Variants in EML2 observed in about 807,000 individuals in gnomAD.
The protein encoded by EML2 is EMAP like 2, also known as echinoderm microtubule-associated protein-like 2.
EML2 carries 59 observed loss-of-function variants against 84.7 expected under a neutral mutation model. The ratio of observed to expected loss-of-function variants is 0.70; its 90% CI spans 0.56 to 0.86. The LOEUF (loss-of-function observed/expected upper bound fraction) is 0.86. EML2 is among the 40% of genes least tolerant of loss of function. The pLI, the probability that EML2 is intolerant of heterozygous loss-of-function variation, is 0.00. For missense variants in EML2, 818 were observed against 855.6 expected, an observed-to-expected ratio of 0.96 and a Z score of 0.55; for synonymous variants, 352 against 348.9, an observed-to-expected ratio of 1.01 and a Z score of -0.10.
intron 13 of EML2, 123 bp downstream of exon 13, chr19:45,617,507 A>C (rs1289700258): frequency 1.2e-6 from 1 of 823,346 alleles, no homozygotes; most frequent in East Asian, 2.8e-5. Flanking sequence ...GCAGTGAGCC[A>C]GAGGAATATT....
At chr19:45,624,603 G>A (rs1371867747) in intron 9 of EML2, 116 bp downstream of exon 9, 1 of 720,630 alleles carries the variant, frequency 1.4e-6, no homozygotes, top group Non-Finnish European at 2.4e-6. Flanking sequence ...CGAGGGTGTT[G>A]GAATCGGACA....
chr19:45,629,161 ACT>A (rs1198297613), intron 7 of EML2, among the ~76,000 whole-genome samples: 1 of 151,890 alleles, frequency 6.6e-6, no homozygotes, highest in African/African-American at 2.4e-5. Flanking sequence ...GCAGGGTCTC[ACT>A]CTGTTGCCCA....
chr19:45,626,960 C>CT (rs5828242), intron 7 of EML2, 121 bp from the exon 8 acceptor site: 172,646 of 524,738 alleles, frequency 0.33, 12,119 homozygotes, highest in African/African-American at 0.46. Context: ...CTGAACTTTT[C>CT]TTTTTTTTTT....
chr19:45,620,128 T>G (rs908262411), intron 11 of EML2, among the ~76,000 whole-genome samples: 1 of 152,126 alleles, frequency 6.6e-6, no homozygotes, highest in Non-Finnish European at 1.5e-5. Flanking sequence ...ACAAATTTTT[T>G]TTTTAGACGG....
rs539390792 is a variant in EML2, at chr19:45,616,071, C to T, written c.1510-182G>A. ...CAGGGCCAGAATACTGTGGGCGGGG[C>T]CAGACTGTGATGGGCAGGGCTAGAC... On this transcript the variant is annotated intron_variant, in intron 15 of 18. Transcript: ENST00000245925. 3.6e-4 allele frequency: 222 copies of T among 611,372 alleles called. 1 individual carries two copies. Among genetic ancestry groups the T allele is most frequent in the Non-Finnish European group, 5.8e-4 (198 of 339,042 alleles). The allele number at this position is 611,372 out of a possible 1,614,324, so 37.9% of individuals were successfully genotyped here. A position where few individuals can be genotyped will look rare whatever the true frequency, so the allele number is the denominator to read the frequency against.
At chr19:45,640,129 T>C (rs1001139067), upstream of EML2, 3 of 152,310 alleles carry the variant, frequency 2.0e-5, no homozygotes, top group Non-Finnish European at 4.4e-5. Flanking sequence ...AGAGTTGAAA[T>C]GTGCAGCTTT....
intron 6 of EML2, among the ~76,000 whole-genome samples, chr19:45,631,459 C>T (rs1973021659): frequency 6.6e-6 from 1 of 152,086 alleles, no homozygotes; most frequent in Non-Finnish European, 1.5e-5. Flanking sequence ...CACTCGGTCC[C>T]CTAGTGTGGA....
At chr19:45,635,029 TTAA>T (rs1325422364) in intron 3 of EML2, among the ~76,000 whole-genome samples, 1 of 151,538 alleles carries the variant, frequency 6.6e-6, no homozygotes, top group African/African-American at 2.4e-5. Context: ...TTTTGTATTT[TTAA>T]TAGAGATGGG....
At position 45,621,564 on chromosome 19, in the gene EML2, G is replaced by C; in HGVS notation, c.915C>G (p.Asp305Glu). Reference protein sequence around the residue: ...GGVFGLCALRDGTLVSGGGRD... With the variant: ...GGVFGLCALREGTLVSGGGRD... ...GGCCCCCTCCAGACACCAGCGTCCC[G>C]TCCCGCAGGGCGCAGAGCCCAAACA... Residue 305 changes from aspartate (D) to glutamate (E), a missense_variant, in exon 10 of 19, where the codon GAC becomes GAG. Asp to Glu is a conservative substitution (Grantham distance 45). Transcript: ENST00000245925. 6.2e-7 allele frequency: 1 copy of C among 1,612,692 alleles called. No homozygotes were observed.
intron 6 of EML2, 50 bp downstream of exon 6, chr19:45,632,811 C>T (rs1222652563): frequency 6.5e-7 from 1 of 1,531,464 alleles, no homozygotes; most frequent in South Asian, 1.2e-5. Flanking sequence ...CGGGCACTTG[C>T]CCTCCTTTTC....
At chr19:45,639,068 A>G (rs768769902) in intron 1 of EML2, 195 bp from the exon 2 acceptor site, 6 of 777,850 alleles carry the variant, frequency 7.7e-6, no homozygotes, top group Middle Eastern at 2.7e-4. Flanking sequence ...ACAGGCCCAG[A>G]GAGGCAGTGA....
chr19:45,639,430 C>T (rs565797513), upstream of EML2: 494 of 1,245,256 alleles, frequency 4.0e-4, 4 homozygotes, highest in African/African-American at 6.3e-3. Context: ...CCGGCTCTGC[C>T]GCTTCCGGCC....
At chr19:45,641,948 G>A, upstream of EML2, 1 of 1,443,512 alleles carries the variant, frequency 6.9e-7, no homozygotes, top group Non-Finnish European at 9.1e-7. Context: ...CTTCTTGGGA[G>A]AGGATGGGGA....
At chr19:45,624,037 T>A (rs1163470249) in intron 9 of EML2, among the ~76,000 whole-genome samples, 1 of 152,228 alleles carries the variant, frequency 6.6e-6, no homozygotes, top group Non-Finnish European at 1.5e-5. Context: ...AAGTATTTCT[T>A]CACCCAACCA....
At chr19:45,627,160 A>G in intron 7 of EML2, among the ~76,000 whole-genome samples, 1 of 149,812 alleles carries the variant, frequency 6.7e-6, no homozygotes, top group Admixed American at 6.7e-5. Context: ...GGATTTCACC[A>G]TGTTTCCCGG....
chr19:45,629,048 G>A (rs904975138), intron 7 of EML2, among the ~76,000 whole-genome samples: 2 of 151,978 alleles, frequency 1.3e-5, no homozygotes, highest in Non-Finnish European at 2.9e-5. Context: ...CCCTTCTGTT[G>A]GGCCTGGTCC....
upstream of EML2, chr19:45,642,300 C>G: frequency 1.3e-6 from 2 of 1,535,872 alleles, no homozygotes; most frequent in Non-Finnish European, 1.7e-6. Flanking sequence ...GCTGCTCCAG[C>G]GCCGACACGC....
intron 3 of EML2, among the ~76,000 whole-genome samples, chr19:45,636,100 A>C (rs937721041): frequency 6.6e-6 from 1 of 152,052 alleles, no homozygotes; most frequent in African/African-American, 2.4e-5. Context: ...CTTCCCAAAT[A>C]GCTGAGACTA....
At chr19:45,619,295 GC>G in intron 11 of EML2, 104 bp from the exon 12 acceptor site, 1 of 1,403,000 alleles carries the variant, frequency 7.1e-7, no homozygotes. Context: ...AACTCACCCT[GC>G]CCCAGCGGGA....
Sources: gnomAD v4.1 joint callset for allele counts (sites outside exome capture counted in the v4.1 genomes callset) on GRCh38, gnomAD v4.1.1 for gene constraint, MANE v1.5 for transcripts, NCBI Gene and HGNC (gene_info 2026-07-23, HGNC 2026-07-21) for gene names.